Variants in ABHD12 observed in about 807,000 individuals in gnomAD.
ABHD12 encodes lysophosphatidylserine lipase ABHD12.
A neutral mutation model predicts 58.3 loss-of-function variants in ABHD12; 43 were observed. That is an observed-to-expected ratio of 0.74 (90% CI 0.58 to 0.95). The LOEUF is 0.95. Ranked by LOEUF, ABHD12 falls within the 40% of genes least tolerant of loss-of-function variation. The pLI is 0.00. For missense variants in ABHD12, 539 were observed against 537.2 expected (o/e 1.00, Z -0.03); for synonymous variants, 219 against 211.2 (o/e 1.04, Z -0.32).
intron 1 of ABHD12, among the ~76,000 whole-genome samples, chr20:25,341,800 G>A (rs999442682): frequency 1.1e-4 from 16 of 152,022 alleles, no homozygotes; most frequent in Non-Finnish European, 7.4e-5. Flanking sequence ...GACTCAGGAC[G>A]TTATCCTGAG....
Position 25,306,466 on chromosome 20 carries a change from C to T in ABHD12, c.950+367G>A, listed in dbSNP as rs111686671. Among the ~76,000 whole-genome samples, 5 of 152,274 alleles carry T rather than the reference C, an allele frequency of 3.3e-5. 1 individual carries two copies. The highest frequency in any genetic ancestry group is 9.6e-5 in the African/African-American group (4 of 41,544). The stretch of plus-strand genomic sequence containing the variant: ...AATCACGGTTCACTGCAGTCTTGAC[C>T]TCCCCAGGCTCAGGTGATCCTCCTA... On this transcript the variant is annotated intron_variant, in intron 10 of 12. Coordinates refer to ENST00000339157, the MANE Select transcript of ABHD12 (RefSeq NM_001042472.3).
chr20:25,351,562 A>G (rs1464234518), intron 1 of ABHD12, among the ~76,000 whole-genome samples: 3 of 152,248 alleles, frequency 2.0e-5, no homozygotes, highest in Non-Finnish European at 1.5e-5. Context: ...TGGAAAGTCT[A>G]ATTTTATTGG....
intron 2 of ABHD12, 124 bp downstream of exon 2, chr20:25,339,103 T>G: frequency 6.8e-7 from 1 of 1,477,582 alleles, no homozygotes; most frequent in Non-Finnish European, 9.2e-7. Context: ...ACTTAAGATA[T>G]GTACCCTTCA....
chr20:25,388,355 A>T (rs1568782771), intron 1 of ABHD12, among the ~76,000 whole-genome samples: 1 of 152,208 alleles, frequency 6.6e-6, no homozygotes, highest in African/African-American at 2.4e-5. Flanking sequence ...GGAGATACTT[A>T]AGTGGAGAAA....
chr20:25,378,808 G>A (rs770746962), intron 1 of ABHD12, among the ~76,000 whole-genome samples: 3 of 151,030 alleles, frequency 2.0e-5, no homozygotes, highest in Admixed American at 6.6e-5. Flanking sequence ...ACTGACAGCC[G>A]TGTCCACGTT....
At chr20:25,331,240 AG>A (rs2089269766) in intron 2 of ABHD12, among the ~76,000 whole-genome samples, 1 of 152,234 alleles carries the variant, frequency 6.6e-6, no homozygotes, top group Admixed American at 6.5e-5. Context: ...TGAAGCAAGA[AG>A]GGAAGTTTAG....
At position 25,339,319 on chromosome 20, in the gene ABHD12, A is replaced by T. The variant is rs1345286988; in HGVS notation, c.224T>A (p.Ile75Lys). ...RKGVWLRLRK[I>K]LFCVLGLYIA... ...GTACAACCCCAAAACACAGAAAAGT[A>T]TCTTCCTCAGGCGCAACCACACGCC... Residue 75 changes from isoleucine to lysine, a missense_variant, in exon 2 of 13, where the codon ATA (isoleucine) becomes AAA (lysine). Ile to Lys is a moderately radical substitution (Grantham distance 102). Coordinates refer to ENST00000339157, the MANE Select transcript of ABHD12 (RefSeq NM_001042472.3). The T allele has an allele frequency of 2.5e-6, 4 of 1,614,226 alleles. No homozygotes were observed. The highest frequency in any genetic ancestry group is 1.6e-4 in the Middle Eastern group (1 of 6,062).
At chr20:25,321,472 T>A (rs2145973866) in intron 3 of ABHD12, among the ~76,000 whole-genome samples, 2 of 152,368 alleles carry the variant, frequency 1.3e-5, no homozygotes, top group South Asian at 4.1e-4. Context: ...GGCCTGCTGC[T>A]GCCTGAGGGC....
chr20:25,339,785 G>A, intron 1 of ABHD12: 3 of 1,250,200 alleles, frequency 2.4e-6, no homozygotes, highest in Non-Finnish European at 3.1e-6. Flanking sequence ...ATTAGCTCCT[G>A]GTAGGAAGCA....
chr20:25,334,228 T>C (rs6076335), intron 2 of ABHD12, among the ~76,000 whole-genome samples: 31 of 150,472 alleles, frequency 2.1e-4, no homozygotes, highest in Middle Eastern at 3.4e-3. Context: ...AATAAAATAC[T>C]TAGGAATCCA....
Position 25,320,460 on chromosome 20 carries a change from G to C in ABHD12, c.423-142C>G, listed in dbSNP as rs1600792949. 3 of 1,109,398 alleles carry C rather than the reference G, an allele frequency of 2.7e-6. No homozygotes were observed. In the East Asian group the frequency reaches 7.4e-5, roughly 27 times the overall value. 68.7% of individuals were successfully genotyped at this position (1,109,398 alleles called of 1,614,324 possible). A position where few individuals can be genotyped will look rare whatever the true frequency, so the allele number is the denominator to read the frequency against. Reference sequence around the variant, plus strand: ...CCATCTAACTACAGGGGAACAGATGGGGGTGGGTGGTAGAAAACTATCCCC... The same window carrying C: ...CCATCTAACTACAGGGGAACAGATGCGGGTGGGTGGTAGAAAACTATCCCC... On this transcript the variant is annotated intron_variant, in intron 3 of 12. Transcript: ENST00000339157.
chr20:25,369,658 A>T (rs1038287559), intron 1 of ABHD12, among the ~76,000 whole-genome samples: 1 of 152,226 alleles, frequency 6.6e-6, no homozygotes, highest in African/African-American at 2.4e-5. Flanking sequence ...CCAAACCAGG[A>T]GTGCCAGTGA....
chr20:25,376,566 G>T (rs1385953546), intron 1 of ABHD12, among the ~76,000 whole-genome samples: 1 of 152,138 alleles, frequency 6.6e-6, no homozygotes, highest in Admixed American at 6.5e-5. Context: ...ACTGTGGTAC[G>T]GCATGTTTTC....
chr20:25,384,167 A>G (rs2090058718), intron 1 of ABHD12, among the ~76,000 whole-genome samples: 1 of 125,470 alleles, frequency 8.0e-6, no homozygotes, highest in African/African-American at 3.1e-5. Context: ...AAAAAAAAAA[A>G]TCACTCATTT....
chr20:25,339,661 T>C (rs1196843659), intron 1 of ABHD12: 2 of 1,390,962 alleles, frequency 1.4e-6, no homozygotes, highest in Admixed American at 1.9e-5. Flanking sequence ...GACCCCACCA[T>C]GCCCCCCACC....
exon 13 of ABHD12, chr20:25,295,028 G>C (rs372701114): frequency 1.2e-6 from 2 of 1,614,216 alleles, no homozygotes; most frequent in Non-Finnish European, 1.7e-6. Context: ...GCCCTGCTGA[G>C]GTCTGTGATA....
downstream of ABHD12, among the ~76,000 whole-genome samples, chr20:25,296,202 T>TG (rs2088541168): frequency 6.6e-6 from 1 of 152,184 alleles, no homozygotes; most frequent in Non-Finnish European, 1.5e-5. Flanking sequence ...TCCTGGTCCG[T>TG]GGGGTCCCCT....
intron 1 of ABHD12, among the ~76,000 whole-genome samples, chr20:25,372,942 T>C (rs1342829207): frequency 6.6e-6 from 1 of 152,212 alleles, no homozygotes; most frequent in African/African-American, 2.4e-5. Flanking sequence ...CTGTACTGTT[T>C]TTTATCTTTT....
At chr20:25,341,103 C>T (rs950572623) in intron 1 of ABHD12, among the ~76,000 whole-genome samples, 3 of 152,254 alleles carry the variant, frequency 2.0e-5, no homozygotes, top group Non-Finnish European at 4.4e-5. Flanking sequence ...TTTCCTGGTT[C>T]ATTCAGAGAT....
Sources: allele counts gnomAD v4.1 joint callset (sites outside exome capture counted in the v4.1 genomes callset), GRCh38; gene constraint gnomAD v4.1.1; transcripts MANE v1.5; gene names NCBI Gene and HGNC (gene_info 2026-07-23, HGNC 2026-07-21).